Variants in RNF212B observed in about 807,000 individuals in gnomAD.
RNF212B encodes ring finger protein 212B.
A neutral mutation model predicts 55.5 loss-of-function variants in RNF212B; 52 were observed. The observed-to-expected ratio is 0.94, with a 90% confidence interval of 0.75 to 1.18. RNF212B has a LOEUF of 1.18. Among genes scored for constraint, RNF212B ranks in the 50% most tolerant of loss-of-function variants. The probability of loss-of-function intolerance (pLI) is 0.00; values close to 1 mark genes in which losing one functional copy is unlikely to be tolerated. For missense variants in RNF212B, 289 were observed against 350.4 expected (o/e 0.82, Z 1.40); for synonymous variants, 99 against 121.4 (o/e 0.82, Z 1.21).
At chr14:23,244,163 A>C (rs1394864545) in intron 3 of RNF212B, among the ~76,000 whole-genome samples, 159 bp from the exon 4 acceptor site, 2 of 152,212 alleles carry the variant, frequency 1.3e-5, no homozygotes, top group African/African-American at 4.8e-5. Context: ...AGAATTGGAC[A>C]TATAATGTAC....
intron 2 of RNF212B, among the ~76,000 whole-genome samples, chr14:23,203,425 G>A (rs933643249): frequency 3.6e-5 from 5 of 137,864 alleles, no homozygotes; most frequent in Non-Finnish European, 8.1e-5. Context: ...TTTTCCTCTG[G>A]GTCTATACCC....
chr14:23,253,990 G>T (rs961767609), intron 4 of RNF212B, among the ~76,000 whole-genome samples: 3 of 152,064 alleles, frequency 2.0e-5, no homozygotes, highest in Non-Finnish European at 4.4e-5. Context: ...TTAAAAATAA[G>T]AACTAAGGCT....
intron 11 of RNF212B, among the ~76,000 whole-genome samples, chr14:23,266,027 A>G (rs533792525): frequency 2.1e-3 from 313 of 152,110 alleles, no homozygotes; most frequent in African/African-American, 7.2e-3. Flanking sequence ...CCCAGACTGG[A>G]GTGCAGTGGT....
At chr14:23,265,635 T>A (rs527691583) in intron 11 of RNF212B, among the ~76,000 whole-genome samples, 1 of 152,368 alleles carries the variant, frequency 6.6e-6, no homozygotes, top group East Asian at 1.9e-4. Context: ...TCTGTCAGGT[T>A]GGTAACAACA....
chr14:23,257,905 G>T (rs1466820671), intron 4 of RNF212B, among the ~76,000 whole-genome samples: 1 of 152,192 alleles, frequency 6.6e-6, no homozygotes, highest in African/African-American at 2.4e-5. Context: ...GAATGTGGAG[G>T]CTGATCCAAA....
chr14:23,212,435 CTG>C (rs1400091735), intron 2 of RNF212B, among the ~76,000 whole-genome samples: 1 of 152,028 alleles, frequency 6.6e-6, no homozygotes, highest in Non-Finnish European at 1.5e-5. Context: ...CAAATGGAAT[CTG>C]TGAAAAAGCT....
chr14:23,225,908 A>G (rs888262341), intron 2 of RNF212B, among the ~76,000 whole-genome samples: 8 of 152,322 alleles, frequency 5.3e-5, no homozygotes, highest in African/African-American at 1.9e-4. Context: ...TGATGTGAAT[A>G]TTACTCATTG....
chr14:23,217,096 C>A (rs954771905), intron 2 of RNF212B, among the ~76,000 whole-genome samples: 2 of 151,974 alleles, frequency 1.3e-5, no homozygotes, highest in Non-Finnish European at 2.9e-5. Flanking sequence ...CATTTCTGAA[C>A]CTGCTATGGA....
At chr14:23,225,230 T>C (rs1467897949) in intron 2 of RNF212B, among the ~76,000 whole-genome samples, 1 of 152,188 alleles carries the variant, frequency 6.6e-6, no homozygotes. Context: ...GTACAGCCAC[T>C]GTGGAGAACA....
chr14:23,213,116 T>C (rs1594884882), intron 2 of RNF212B, among the ~76,000 whole-genome samples: 1 of 151,926 alleles, frequency 6.6e-6, no homozygotes, highest in Non-Finnish European at 1.5e-5. Flanking sequence ...ATCGAGACCA[T>C]CCTGGCTAAC....
intron 2 of RNF212B, among the ~76,000 whole-genome samples, chr14:23,229,276 CCATT>C (rs1394558136): frequency 9.6e-6 from 1 of 104,614 alleles, no homozygotes; most frequent in African/African-American, 3.5e-5. Context: ...CATTGTTTAT[CCATT>C]CATCTACTAA....
intron 2 of RNF212B, among the ~76,000 whole-genome samples, chr14:23,221,452 A>G (rs535215660): frequency 6.6e-5 from 10 of 152,244 alleles, no homozygotes; most frequent in Non-Finnish European, 1.3e-4. Flanking sequence ...AACAATTGTA[A>G]GTATATATGC....
At chr14:23,227,177 T>C (rs1882108692) in intron 2 of RNF212B, among the ~76,000 whole-genome samples, 1 of 152,126 alleles carries the variant, frequency 6.6e-6, no homozygotes, top group South Asian at 2.1e-4. Flanking sequence ...TACACTACTT[T>C]TGGCAATTTC....
chr14:23,233,579 A>T, upstream of RNF212B, among the ~76,000 whole-genome samples: 1 of 148,428 alleles, frequency 6.7e-6, no homozygotes, highest in East Asian at 2.0e-4. Context: ...AAAAAAAAAA[A>T]AAAAATAGAA....
chr14:23,239,670 G>C (rs1045195577), intron 1 of RNF212B, among the ~76,000 whole-genome samples: 4 of 151,666 alleles, frequency 2.6e-5, no homozygotes, highest in African/African-American at 9.7e-5. Flanking sequence ...CTAGGCTGGA[G>C]TGCAATGGCA....
chr14:23,248,022 G>A lies in RNF212B; in HGVS notation c.228+3626G>A, dbSNP rs34583422. On this transcript the variant is annotated intron_variant, in intron 4 of 14. Coordinates refer to ENST00000430154, the MANE Select transcript of RNF212B (RefSeq NM_001282322.3). ...TCAAGGCACTAACAGATTCAGTGTC[G>A]GGGGAGGGCTTACTCTTTGCTTCCA... Among the ~76,000 whole-genome samples the A allele has an allele frequency of 6.6e-5, 10 of 151,742 alleles. No homozygotes were observed. In the South Asian group the frequency reaches 8.3e-4, roughly 13 times the overall value.
chr14:23,204,648 A>G (rs1026595939), intron 2 of RNF212B, among the ~76,000 whole-genome samples: 3 of 152,176 alleles, frequency 2.0e-5, no homozygotes, highest in African/African-American at 7.2e-5. Context: ...GTTTGAAATC[A>G]GTTAGTGTGA....
At chr14:23,247,950 T>A (rs1884107042) in intron 4 of RNF212B, among the ~76,000 whole-genome samples, 1 of 152,176 alleles carries the variant, frequency 6.6e-6, no homozygotes, top group Non-Finnish European at 1.5e-5. Flanking sequence ...AATTTCTAAA[T>A]AACAGAAATT....
intron 2 of RNF212B, among the ~76,000 whole-genome samples, chr14:23,194,924 T>C (rs995681457): frequency 6.6e-6 from 1 of 152,120 alleles, no homozygotes; most frequent in African/African-American, 2.4e-5. Flanking sequence ...TTCGATTTAC[T>C]GGGTCACAGA....
Sources: gnomAD v4.1 joint callset for allele counts (sites outside exome capture counted in the v4.1 genomes callset) on GRCh38, gnomAD v4.1.1 for gene constraint, MANE v1.5 for transcripts, NCBI Gene and HGNC (gene_info 2026-07-23, HGNC 2026-07-21) for gene names.